MAML2: variants seen among roughly 807,000 people sequenced by gnomAD.
MAML2 encodes the protein mastermind-like protein 2.
MAML2 carries 22 observed loss-of-function variants against 96.1 expected under a neutral mutation model. The observed-to-expected ratio is 0.23, with a 90% CI of 0.16 to 0.33. MAML2 has a LOEUF of 0.33. MAML2 is among the 10% of genes least tolerant of loss of function. The pLI, the probability that MAML2 is intolerant of heterozygous loss-of-function variation, is 1.00. For missense variants in MAML2, 1,367 were observed against 1,392.4 expected (o/e 0.98, Z 0.29); for synonymous variants, 561 against 521.3 (o/e 1.08, Z -1.04).
At chr11:96,320,884 T>A (rs1427168660) in intron 1 of MAML2, among the ~76,000 whole-genome samples, 1 of 152,142 alleles carries the variant, frequency 6.6e-6, no homozygotes, top group Non-Finnish European at 1.5e-5. Flanking sequence ...AAGTCAATGT[T>A]TTCAAGAGCA....
At chr11:96,035,282 G>A (rs184486976) in intron 2 of MAML2, among the ~76,000 whole-genome samples, 2 of 152,310 alleles carry the variant, frequency 1.3e-5, no homozygotes, top group Non-Finnish European at 2.9e-5. Flanking sequence ...AAAGCTATGC[G>A]AAGCCAACCA....
intron 4 of MAML2, among the ~76,000 whole-genome samples, chr11:95,980,972 C>T (rs1341689935): frequency 6.6e-6 from 1 of 152,146 alleles, no homozygotes; most frequent in Non-Finnish European, 1.5e-5. Context: ...CTGAATAATG[C>T]CCACCTGTGC....
At chr11:96,022,176 T>G (rs1359956054) in intron 2 of MAML2, among the ~76,000 whole-genome samples, 1 of 152,178 alleles carries the variant, frequency 6.6e-6, no homozygotes, top group Non-Finnish European at 1.5e-5. Context: ...CTGAAGAAAC[T>G]ACGTTGAATT....
At chr11:96,202,629 A>AT (rs962786146) in intron 1 of MAML2, among the ~76,000 whole-genome samples, 2,297 of 144,528 alleles carry the variant, frequency 0.016, 45 homozygotes, top group African/African-American at 0.047. Flanking sequence ...TCCAGATGAA[A>AT]TTTTTTTTTT....
chr11:96,322,609 G>A (rs1446599036), intron 1 of MAML2, among the ~76,000 whole-genome samples: 5 of 152,078 alleles, frequency 3.3e-5, no homozygotes, highest in Non-Finnish European at 5.9e-5. Flanking sequence ...GGAGAATGGC[G>A]TGAACCCGGA....
chr11:95,978,819 T>C lies in MAML2; in HGVS notation c.*129A>G. The C allele has an allele frequency of 1.1e-6, 1 of 875,698 alleles. No homozygotes were observed. Among genetic ancestry groups the C allele is most frequent in the Non-Finnish European group, 1.7e-6 (1 of 592,214 alleles). 54.2% of individuals were successfully genotyped at this position (875,698 alleles called of 1,614,324 possible). On this transcript the variant is annotated 3_prime_UTR_variant, in exon 5 of 5. Transcript: ENST00000524717. ...AATGTTCATCACTGCAGTTACTTTC[T>C]GCTTTCCATTTTTAAGCATGTTATC...
chr11:96,244,290 G>C (rs1459828901), intron 1 of MAML2, among the ~76,000 whole-genome samples: 1 of 152,178 alleles, frequency 6.6e-6, no homozygotes, highest in Non-Finnish European at 1.5e-5. Flanking sequence ...ATAAGACAAG[G>C]TGCTTAATAC....
intron 1 of MAML2, among the ~76,000 whole-genome samples, chr11:96,100,611 T>A (rs1244644245): frequency 1.3e-5 from 2 of 151,292 alleles, no homozygotes; most frequent in Non-Finnish European, 1.5e-5. Flanking sequence ...CACCTGGCCT[T>A]TTTGTTGTTG....
At chr11:96,045,896 A>G (rs1250309072) in intron 2 of MAML2, among the ~76,000 whole-genome samples, 1 of 127,480 alleles carries the variant, frequency 7.8e-6, no homozygotes, top group Non-Finnish European at 1.6e-5. Context: ...CAGTCAGCAC[A>G]CTTCTGTTTT....
At chr11:96,080,785 C>T (rs566855516) in intron 2 of MAML2, among the ~76,000 whole-genome samples, 5 of 152,218 alleles carry the variant, frequency 3.3e-5, no homozygotes, top group African/African-American at 7.2e-5. Flanking sequence ...GAAGTGCAGG[C>T]GTCATACCTG....
At chr11:96,333,423 C>G (rs1444484211) in intron 1 of MAML2, among the ~76,000 whole-genome samples, 1 of 151,910 alleles carries the variant, frequency 6.6e-6, no homozygotes, top group Non-Finnish European at 1.5e-5. Flanking sequence ...TCCATCCTTG[C>G]CCAAATATAA....
At chr11:96,201,777 A>G (rs142392199) in intron 1 of MAML2, among the ~76,000 whole-genome samples, 1 of 151,358 alleles carries the variant, frequency 6.6e-6, no homozygotes, top group Non-Finnish European at 1.5e-5. Flanking sequence ...AAATTAGCCC[A>G]GCGTGGTGGC....
At chr11:96,032,446 G>C (rs1388732861) in intron 2 of MAML2, among the ~76,000 whole-genome samples, 1 of 151,986 alleles carries the variant, frequency 6.6e-6, no homozygotes, top group Non-Finnish European at 1.5e-5. Flanking sequence ...AATTAGCCGG[G>C]CGTGATGGCA....
At chr11:96,333,604 G>A (rs1863880566) in intron 1 of MAML2, among the ~76,000 whole-genome samples, 1 of 152,200 alleles carries the variant, frequency 6.6e-6, no homozygotes, top group Admixed American at 6.5e-5. Context: ...AAGAGATTCT[G>A]AGGTGAGAGC....
At chr11:96,193,674 CA>C (rs201176260) in intron 1 of MAML2, among the ~76,000 whole-genome samples, 35 of 150,388 alleles carry the variant, frequency 2.3e-4, no homozygotes, top group Non-Finnish European at 4.7e-4. Flanking sequence ...TCCCGTGTAA[CA>C]AAAAAAAAGG....
chr11:96,034,794 G>T (rs1292052350), intron 2 of MAML2, among the ~76,000 whole-genome samples: 2 of 152,140 alleles, frequency 1.3e-5, no homozygotes, highest in Non-Finnish European at 2.9e-5. Flanking sequence ...CTATAAATTT[G>T]AGGTCATATT....
chr11:96,200,686 C>T (rs1484882107), intron 1 of MAML2, among the ~76,000 whole-genome samples: 2 of 152,134 alleles, frequency 1.3e-5, no homozygotes, highest in African/African-American at 2.4e-5. Flanking sequence ...TGGACTTTGA[C>T]AAGTTAACAT....
At chr11:96,166,036 T>C (rs1320271851) in intron 1 of MAML2, among the ~76,000 whole-genome samples, 2 of 152,110 alleles carry the variant, frequency 1.3e-5, no homozygotes, top group African/African-American at 4.8e-5. Context: ...CTTTGTACAA[T>C]ATCATTTCCC....
chr11:96,229,085 T>G (rs1862255004), intron 1 of MAML2, among the ~76,000 whole-genome samples: 1 of 151,986 alleles, frequency 6.6e-6, no homozygotes. Context: ...AAAAGAAAGT[T>G]GTTTCTCAGC....
Sources: allele counts gnomAD v4.1 joint callset (sites outside exome capture counted in the v4.1 genomes callset), GRCh38; gene constraint gnomAD v4.1.1; transcripts MANE v1.5; gene names NCBI Gene and HGNC (gene_info 2026-07-23, HGNC 2026-07-21).